Variants in PCDHA2 observed in about 807,000 individuals in gnomAD.
PCDHA2 encodes the protein protocadherin alpha 2.
In PCDHA2, 58 loss-of-function variants were observed where a neutral mutation model predicts 66.0. That is an observed-to-expected ratio of 0.88 (90% confidence interval 0.71 to 1.09). PCDHA2 has a LOEUF of 1.09. Among genes scored for constraint, PCDHA2 ranks in the 50% least tolerant of loss-of-function variants. The pLI, the probability that PCDHA2 is intolerant of heterozygous loss-of-function variation, is 0.00. For synonymous variants in PCDHA2, 634 were observed against 554.0 expected (o/e 1.14, Z -2.03); for missense variants, 1,267 against 1,242.3 (o/e 1.02, Z -0.30).
intron 1 of PCDHA2, among the ~76,000 whole-genome samples, chr5:140,964,846 C>G (rs1292135709): frequency 2.0e-5 from 3 of 152,180 alleles, no homozygotes; most frequent in Non-Finnish European, 2.9e-5. Context: ...TACTCTGTAC[C>G]CTTGAGGAAA....
At chr5:140,848,956 T>C in intron 1 of PCDHA2, 2 of 1,606,732 alleles carry the variant, frequency 1.2e-6, no homozygotes, top group Non-Finnish European at 1.7e-6. Flanking sequence ...CGGTTTCCAC[T>C]AGAGGGCGCG....
intron 1 of PCDHA2, among the ~76,000 whole-genome samples, chr5:140,959,250 G>A (rs2095476529): frequency 6.6e-6 from 1 of 152,030 alleles, no homozygotes. Context: ...GATAGTGCAT[G>A]ACTGTAGTCC....
Position 140,856,558 on chromosome 5 carries a change from A to C in PCDHA2, c.2388+59206A>C, listed in dbSNP as rs372031038. ...GAGAGAACGCATTGCTTACTTACAAACTCAGTCCAAATGAGTATTTTGTTC... is the reference window on the plus strand; with the variant it reads ...GAGAGAACGCATTGCTTACTTACAACCTCAGTCCAAATGAGTATTTTGTTC... On this transcript the variant is annotated intron_variant, in intron 1 of 3. Coordinates refer to ENST00000526136, the MANE Select transcript of PCDHA2 (RefSeq NM_018905.3). The C allele has an allele frequency of 1.3e-5, 21 of 1,598,088 alleles. 2 individuals are homozygous for C. The East Asian group carries it at 1.8e-4, about 14-fold the overall frequency.
At chr5:140,968,029 GGT>G in intron 1 of PCDHA2, 1 of 1,614,170 alleles carries the variant, frequency 6.2e-7, no homozygotes, top group African/African-American at 1.3e-5. Context: ...CCTATACACT[GGT>G]GGTGAGCGGC....
intron 3 of PCDHA2, among the ~76,000 whole-genome samples, chr5:141,006,117 T>C (rs2098255751): frequency 6.6e-6 from 1 of 152,094 alleles, no homozygotes; most frequent in African/African-American, 2.4e-5. Flanking sequence ...TTTTTTTTTT[T>C]TTCTCAAGGC....
chr5:141,011,435 T>C lies in PCDHA2; in HGVS notation c.*1498T>C, dbSNP rs781837801. ...TGTGAATGTTAATGCAACTATTACC[T>C]AGAGTGAACTTTAAGCTTTATTGTT... On this transcript the variant is annotated 3_prime_UTR_variant, in exon 4 of 4. Coordinates refer to ENST00000526136, the MANE Select transcript of PCDHA2 (RefSeq NM_018905.3). 3 of 153,818 alleles carry C rather than the reference T, an allele frequency of 2.0e-5. No individual in the cohort carries two copies. The highest frequency in any genetic ancestry group is 4.4e-5 in the Non-Finnish European group (3 of 68,050). The allele number at this position is 153,818 out of a possible 1,614,324, so 9.5% of individuals were successfully genotyped here.
rs184648626 is a variant in PCDHA2, at chr5:140,812,236, T to C, written c.2388+14884T>C. The stretch of plus-strand genomic sequence containing the variant: ...GTTTAGATTTTTTATGATTATGTCT[T>C]GGTAGTTTGTATGTTTCTAGGAATT... On this transcript the variant is annotated intron_variant, in intron 1 of 3. Transcript: ENST00000526136. 1.3e-3 allele frequency: 195 copies of C among 152,146 alleles called. 1 individual carries two copies. Among genetic ancestry groups the C allele is most frequent in the African/African-American group, 4.2e-3 (176 of 41,522 alleles). 9.4% of individuals were successfully genotyped at this position (152,146 alleles called of 1,614,324 possible). A position where few individuals can be genotyped will look rare whatever the true frequency, so the allele number is the denominator to read the frequency against.
intron 1 of PCDHA2, chr5:140,967,306 C>A (rs1554229415): frequency 1.2e-6 from 2 of 1,612,350 alleles, no homozygotes; most frequent in Non-Finnish European, 1.7e-6. Context: ...TGGGCGCCAA[C>A]TCAGTACAGA....
chr5:140,882,002 G>A (rs2153382146), intron 1 of PCDHA2: 1 of 489,088 alleles, frequency 2.0e-6, no homozygotes, highest in South Asian at 5.2e-5. Context: ...AAATGCAAGG[G>A]GCAAAAAAAT....
At chr5:140,918,941 T>C (rs1476342004) in intron 1 of PCDHA2, among the ~76,000 whole-genome samples, 1 of 152,228 alleles carries the variant, frequency 6.6e-6, no homozygotes, top group East Asian at 1.9e-4. Context: ...TTTGTTATAA[T>C]ATCCTGAACA....
intron 1 of PCDHA2, among the ~76,000 whole-genome samples, chr5:140,977,658 T>C (rs1332848343): frequency 6.6e-6 from 1 of 152,192 alleles, no homozygotes; most frequent in African/African-American, 2.4e-5. Context: ...TTTGGCTAAT[T>C]CTCTGCATGC....
At chr5:140,802,753 C>A (rs782212948) in intron 1 of PCDHA2, 7 of 1,612,424 alleles carry the variant, frequency 4.3e-6, no homozygotes, top group African/African-American at 2.7e-5. Context: ...AAGGTGTACG[C>A]GCTGCAGCCG....
At chr5:140,855,666 A>G (rs2043560136) in intron 1 of PCDHA2, among the ~76,000 whole-genome samples, 2 of 149,632 alleles carry the variant, frequency 1.3e-5, no homozygotes, top group Admixed American at 6.7e-5. Context: ...AGAAATCACT[A>G]CTCTGAGAGT....
chr5:140,995,998 C>T (rs1197239441), intron 3 of PCDHA2, among the ~76,000 whole-genome samples: 1 of 152,192 alleles, frequency 6.6e-6, no homozygotes, highest in Non-Finnish European at 1.5e-5. Context: ...TCAAAAATGT[C>T]GTCAGAACTA....
intron 1 of PCDHA2, chr5:140,849,631 C>T (rs1420116436): frequency 1.3e-6 from 2 of 1,598,614 alleles, no homozygotes; most frequent in Admixed American, 1.7e-5. Context: ...GACCTAGACG[C>T]AGATGCCAAC....
chr5:141,005,475 G>A (rs1011400158), intron 3 of PCDHA2, among the ~76,000 whole-genome samples: 8 of 151,670 alleles, frequency 5.3e-5, no homozygotes, highest in African/African-American at 1.9e-4. Flanking sequence ...AGGCCGAGAC[G>A]GGCGGATCAT....
At position 140,894,520 on chromosome 5, in the gene PCDHA2, C is replaced by T. The variant is rs377646516; in HGVS notation, c.2389-84429C>T. On this transcript the variant is annotated intron_variant, in intron 1 of 3. Coordinates refer to ENST00000526136, the MANE Select transcript of PCDHA2 (RefSeq NM_018905.3). ...AGGCATTATCCATAGTGTTTATATG[C>T]TGTTATGTGCCTTCTGGTTTAGTGT... is the stretch of plus-strand genomic sequence containing the variant. Among the ~76,000 whole-genome samples, 12 of 151,842 alleles carry T rather than the reference C, an allele frequency of 7.9e-5. No homozygotes were observed. In the East Asian group the frequency reaches 1.9e-3, roughly 24 times the overall value.
rs782569898 is a variant in PCDHA2 at position 140,809,024 on chromosome 5, C to T, written c.2388+11672C>T. The T allele has an allele frequency of 3.1e-6, 5 of 1,613,696 alleles. No individual in the cohort carries two copies. In the East Asian group the frequency reaches 1.1e-4, roughly 36 times the overall value. On this transcript the variant is annotated intron_variant, in intron 1 of 3. Transcript: ENST00000526136. ...CGCGTGGCTTTCGTACGAGCTGCAG[C>T]CGGGGACTGGTGGCGCGCGCATCCC...
chr5:140,876,860 T>C (rs2056650252), intron 1 of PCDHA2: 1 of 1,613,918 alleles, frequency 6.2e-7, no homozygotes, highest in African/African-American at 1.3e-5. Context: ...TACACAGTGT[T>C]CGTGAAGGAG....
Sources: gnomAD v4.1 joint callset for allele counts (sites outside exome capture counted in the v4.1 genomes callset) on GRCh38, gnomAD v4.1.1 for gene constraint, MANE v1.5 for transcripts, NCBI Gene and HGNC (gene_info 2026-07-23, HGNC 2026-07-21) for gene names.